The following PPP1R16A variants were observed in gnomAD, a reference collection of about 807,000 sequenced individuals.
The protein encoded by PPP1R16A is protein phosphatase 1 regulatory subunit 16A.
Under a neutral mutation model 46.6 loss-of-function variants are expected in PPP1R16A, and 39 were observed. The ratio of observed to expected loss-of-function variants is 0.84; its 90% CI spans 0.65 to 1.09. The LOEUF (loss-of-function observed/expected upper bound fraction) is 1.09. PPP1R16A is among the 50% of genes least tolerant of loss of function. The probability of loss-of-function intolerance (pLI) is 0.00; values close to 1 mark genes in which losing one functional copy is unlikely to be tolerated. For synonymous variants in PPP1R16A, 413 were observed against 321.5 expected, an observed-to-expected ratio of 1.28 and a Z score of -3.04; for missense variants, 798 against 735.6, an observed-to-expected ratio of 1.08 and a Z score of -0.98.
At chr8:144,479,584 T>C (rs1368650043) in intron 1 of PPP1R16A, among the ~76,000 whole-genome samples, 1 of 152,198 alleles carries the variant, frequency 6.6e-6, no homozygotes, top group African/African-American at 2.4e-5. Flanking sequence ...GTCTGTGTTC[T>C]AGGGATTCTT....
chr8:144,484,195 G>A (rs1283894134), intron 1 of PPP1R16A, among the ~76,000 whole-genome samples: 1 of 152,260 alleles, frequency 6.6e-6, no homozygotes, highest in Non-Finnish European at 1.5e-5. Flanking sequence ...GCCCCACCTA[G>A]ACCGAAAGGT....
chr8:144,489,945 C>G (rs1354886279), intron 1 of PPP1R16A, 89 bp from the exon 2 acceptor site: 2 of 152,358 alleles, frequency 1.3e-5, no homozygotes, highest in Non-Finnish European at 2.9e-5. Context: ...CTTGTCCCCT[C>G]CTTGGCCGCA....
Position 144,500,483 on chromosome 8 carries a change from G to A in PPP1R16A, c.706-4G>A, listed in dbSNP as rs1476823510. 10 of 1,577,500 alleles carry A rather than the reference G, an allele frequency of 6.3e-6. No individual in the cohort carries two copies. The highest frequency in any genetic ancestry group is 1.1e-5 in the South Asian group (1 of 88,544). On this transcript the variant is annotated splice_polypyrimidine_tract_variant and splice_region_variant and intron_variant, in intron 7 of 11. Coordinates refer to ENST00000435887, the MANE Select transcript of PPP1R16A (RefSeq NM_001329443.2). ...CCGAATTCAGGCCGGGCGCTTGCCT[G>A]CAGCTGCACGTCGCAGCCGCCAACG...
In PPP1R16A at chr8:144,496,967, G is replaced by A. The variant is rs1826099916; in HGVS notation, c.-228G>A. 3.3e-6 allele frequency: 2 copies of A among 610,650 alleles called. No individual in the cohort carries two copies. Among genetic ancestry groups the A allele is most frequent in the Non-Finnish European group, 5.7e-6 (2 of 348,252 alleles). 37.8% of individuals were successfully genotyped at this position (610,650 alleles called of 1,614,324 possible). On this transcript the variant is annotated 5_prime_UTR_variant, in exon 3 of 12. Transcript: ENST00000435887. ...GAGGCTGGCCTGGGGAGCAGGTTTG[G>A]GGTGCCCTCCCACACTGCCCTCCCT...
In PPP1R16A at chr8:144,493,944, T is replaced by C. The variant is rs890354431; in HGVS notation, c.-734-2517T>C. Reference sequence around the variant, plus strand: ...GGCCTCCCTCTGCAGCCAGGGGGACTGGGGGGGTTCCCACTGTCCAGCTGC... The same window carrying C: ...GGCCTCCCTCTGCAGCCAGGGGGACCGGGGGGGTTCCCACTGTCCAGCTGC... On this transcript the variant is annotated intron_variant, in intron 2 of 11. Transcript: ENST00000435887. This position sits in a 1 kb window ranked among gnomAD's most constrained non-coding sequence, Gnocchi z 4.3. Among the ~76,000 whole-genome samples, 12 of 151,930 alleles carry C rather than the reference T, an allele frequency of 7.9e-5. No individual in the cohort carries two copies. Among genetic ancestry groups the C allele is most frequent in the Non-Finnish European group, 8.8e-5 (6 of 67,910 alleles).
rs1452287460 is a variant in PPP1R16A at position 144,501,562 on chromosome 8, G to A, written c.1246G>A (p.Gly416Arg). The change falls in exon 12 of 12, where the codon GGG becomes AGG. Residue 416 changes from glycine (G) to arginine (R), a missense_variant. By Grantham distance (125) the Gly-to-Arg change is moderately radical (BLOSUM62 -2). Transcript: ENST00000435887. Reference protein sequence around the residue: ...EVVRPHNGRVGGSPVRHLYSK... With the variant: ...EVVRPHNGRVRGSPVRHLYSK... ...GGTCAGGCCGCACAATGGCCGAGTA[G>A]GGGGCTCCCCAGTGCGGCATCTATA... 7 of 1,590,666 alleles carry A rather than the reference G, an allele frequency of 4.4e-6. No homozygotes were observed. The highest frequency in any genetic ancestry group is 6.0e-6 in the Non-Finnish European group (7 of 1,169,406).
At position 144,500,168 on chromosome 8, in the gene PPP1R16A, G is replaced by C; in HGVS notation, c.549G>C (p.Leu183=). ...ACCTGTGTGATGATGAGCAGACGCT[G>C]GACTGCCTGGAGACTGCCATGGCCG... ...PYDLCDDEQT[L]DCLETAMADR... is the part of the protein sequence containing the mutation. The change falls in exon 6 of 12, where the codon CTG becomes CTC. Residue 183 remains leucine (L), a synonymous_variant. Coordinates refer to ENST00000435887, the MANE Select transcript of PPP1R16A (RefSeq NM_001329443.2). 1 of 1,611,500 alleles carries C rather than the reference G, an allele frequency of 6.2e-7. No individual in the cohort carries two copies. Among genetic ancestry groups the C allele is most frequent in the Non-Finnish European group, 8.5e-7 (1 of 1,179,034 alleles).
rs1006100950 is a variant in PPP1R16A, at chr8:144,478,156, C to T, written c.-914+29C>T. On this transcript the variant is annotated intron_variant, in intron 1 of 11. Coordinates refer to ENST00000435887, the MANE Select transcript of PPP1R16A (RefSeq NM_001329443.2). ...AGGCGCGGACTCCCGGGTCCTGCGG[C>T]GGGAGCGGAGCGAGGGAGAGGGGCC... is the stretch of plus-strand genomic sequence containing the variant. The T allele has an allele frequency of 2.0e-5, 8 of 394,292 alleles. No individual in the cohort carries two copies. The East Asian group carries it at 2.2e-4, about 11-fold the overall frequency. The allele number at this position is 394,292 out of a possible 1,614,324, so 24.4% of individuals were successfully genotyped here. A position where few individuals can be genotyped will look rare whatever the true frequency, so the allele number is the denominator to read the frequency against.
In PPP1R16A at chr8:144,500,739, C is replaced by T. The variant is rs1388268952; in HGVS notation, c.885C>T (p.Ser295=). The T allele has an allele frequency of 1.2e-6, 2 of 1,611,902 alleles. No homozygotes were observed. The highest frequency in any genetic ancestry group is 8.5e-7 in the Non-Finnish European group (1 of 1,179,668). Residue 295 remains serine (S), a synonymous_variant, in exon 9 of 12, where the codon TCC becomes TCT. Transcript: ENST00000435887. ...VAHGADLNAK[S]LMDETPLDVC... ...ACGGGGCCGACCTGAACGCAAAGTC[C>T]CTGATGGACGAGACGCCCCTTGGTG...
intron 2 of PPP1R16A, among the ~76,000 whole-genome samples, chr8:144,495,180 G>T (rs1249836163): frequency 1.3e-5 from 2 of 152,232 alleles, no homozygotes; most frequent in Admixed American, 6.5e-5. Context: ...ACTATGTCTA[G>T]AGTAGGCTGA....
chr8:144,478,347 CG>C, intron 1 of PPP1R16A: 1 of 369,980 alleles, frequency 2.7e-6, no homozygotes, highest in Non-Finnish European at 4.8e-6. Flanking sequence ...CGGAGGAGGC[CG>C]GGGAGGGGCC....
At chr8:144,480,215 C>T (rs1252058483) in intron 1 of PPP1R16A, among the ~76,000 whole-genome samples, 2 of 152,232 alleles carry the variant, frequency 1.3e-5, no homozygotes, top group African/African-American at 4.8e-5. Flanking sequence ...GATGATGAAG[C>T]TGGTAGCACC....
chr8:144,478,035 G>C lies in PPP1R16A; in HGVS notation c.-1006G>C, dbSNP rs1364596676. ...TTGCCATGGCGAGGGCCGGGTGCGGGGCCCGCCCCCGCAGCGCCTCAGGGA... is the reference window on the plus strand; with the variant it reads ...TTGCCATGGCGAGGGCCGGGTGCGGCGCCCGCCCCCGCAGCGCCTCAGGGA... On this transcript the variant is annotated 5_prime_UTR_variant, in exon 1 of 12. Coordinates refer to ENST00000435887, the MANE Select transcript of PPP1R16A (RefSeq NM_001329443.2). 1 of 394,320 alleles carries C rather than the reference G, an allele frequency of 2.5e-6. No individual in the cohort carries two copies. The highest frequency in any genetic ancestry group is 4.5e-6 in the Non-Finnish European group (1 of 223,308). The allele number at this position is 394,320 out of a possible 1,614,324, so 24.4% of individuals were successfully genotyped here.
At chr8:144,483,391 G>T (rs1825516389) in intron 1 of PPP1R16A, among the ~76,000 whole-genome samples, 1 of 152,150 alleles carries the variant, frequency 6.6e-6, no homozygotes, top group African/African-American at 2.4e-5. Flanking sequence ...GTGTCGTTCT[G>T]TTTTCTTTAT....
rs559047419 is a variant in PPP1R16A, at chr8:144,478,629, A to C, written c.-914+502A>C. On this transcript the variant is annotated intron_variant, in intron 1 of 11. Transcript: ENST00000435887. ...CAGAGAAGGGACTTACCCAAACTTA[A>C]GCTTTGTGTGGGCCTTGGAGCTAGG... 134 of 152,922 alleles carry C rather than the reference A, an allele frequency of 8.8e-4. 1 individual carries two copies. Among genetic ancestry groups the C allele is most frequent in the Non-Finnish European group, 2.6e-4 (18 of 68,484 alleles). 9.5% of individuals were successfully genotyped at this position (152,922 alleles called of 1,614,324 possible).
intron 1 of PPP1R16A, among the ~76,000 whole-genome samples, chr8:144,481,170 G>A (rs1373875434): frequency 6.6e-6 from 1 of 151,802 alleles, no homozygotes; most frequent in African/African-American, 2.4e-5. Context: ...GATTACAGGC[G>A]TGACCACCGC....
Position 144,500,361 on chromosome 8 carries a change from C to G in PPP1R16A, c.675C>G (p.Leu225=), listed in dbSNP as rs955808083. ...IRSRLQAGAD[L]HAPLDHGATL... Reference sequence around the variant, plus strand: ...GCCGGCTGCAGGCCGGGGCAGACCTCCATGCCCCCCTGGACCACGGGGCCA... The same window carrying G: ...GCCGGCTGCAGGCCGGGGCAGACCTGCATGCCCCCCTGGACCACGGGGCCA... Residue 225 remains leucine, a synonymous_variant, in exon 7 of 12, where the codon CTC becomes CTG. Coordinates refer to ENST00000435887, the MANE Select transcript of PPP1R16A (RefSeq NM_001329443.2). 2 of 1,534,242 alleles carry G rather than the reference C, an allele frequency of 1.3e-6. No homozygotes were observed. Among genetic ancestry groups the G allele is most frequent in the Non-Finnish European group, 1.7e-6 (2 of 1,145,810 alleles).
At chr8:144,501,432 C>A in intron 11 of PPP1R16A, 88 bp from the exon 12 acceptor site, 1 of 1,480,590 alleles carries the variant, frequency 6.8e-7, no homozygotes, top group South Asian at 1.4e-5. Flanking sequence ...TCTCTCCTGT[C>A]TGTCCCTTCA....
chr8:144,481,597 T>C (rs551004808), intron 1 of PPP1R16A, among the ~76,000 whole-genome samples: 2 of 151,830 alleles, frequency 1.3e-5, no homozygotes, highest in African/African-American at 2.4e-5. Context: ...TGAGCCGAGA[T>C]CGCACCATTG....
Sources: allele counts gnomAD v4.1 joint callset (sites outside exome capture counted in the v4.1 genomes callset), GRCh38; gene constraint gnomAD v4.1.1; non-coding constraint Gnocchi (gnomAD v3.1); transcripts MANE v1.5; gene names NCBI Gene and HGNC (gene_info 2026-07-23, HGNC 2026-07-21).